DIAPH2: variants seen among roughly 807,000 people sequenced by gnomAD.
DIAPH2 encodes protein diaphanous homolog 2.
In DIAPH2, 35 loss-of-function variants were observed where a neutral mutation model predicts 92.7. The observed-to-expected ratio is 0.38, with a 90% CI of 0.29 to 0.50. The LOEUF (loss-of-function observed/expected upper bound fraction) is 0.50. Ranked by LOEUF, DIAPH2 falls within the 20% of genes least tolerant of loss-of-function variation. The pLI is 0.94. For missense variants in DIAPH2, 701 were observed against 819.5 expected (o/e 0.86, Z 1.77); for synonymous variants, 301 against 280.4 (o/e 1.07, Z -0.73).
intron 22 of DIAPH2, among the ~76,000 whole-genome samples, chrX:97,242,911 C>T (rs1455177249): frequency 1.8e-5 from 2 of 109,657 alleles, no homozygotes; most frequent in Admixed American, 9.9e-5. Flanking sequence ...CTCAGCCTCC[C>T]GAGTAGCTGG....
chrX:97,072,871 C>T, intron 17 of DIAPH2, 70 bp from the exon 18 acceptor site: 2 of 626,710 alleles, frequency 3.2e-6, no homozygotes, highest in East Asian at 7.2e-5. Context: ...GTTAATATGC[C>T]TTACTAATGT....
intron 23 of DIAPH2, among the ~76,000 whole-genome samples, chrX:97,319,272 A>G (rs1276877806): frequency 8.9e-6 from 1 of 112,651 alleles, no homozygotes; most frequent in African/African-American, 3.2e-5. Context: ...CCATGGCAAT[A>G]TAGAAGTTAT....
intron 23 of DIAPH2, among the ~76,000 whole-genome samples, chrX:97,274,516 AAAAG>A (rs1336115728): frequency 2.7e-5 from 3 of 110,133 alleles, no homozygotes; most frequent in South Asian, 7.9e-4. Context: ...TCAAAAAAAA[AAAAG>A]AAAAGAAACA....
chrX:96,823,369 AT>A (rs1196088193), intron 4 of DIAPH2, among the ~76,000 whole-genome samples: 3 of 111,379 alleles, frequency 2.7e-5, no homozygotes, highest in African/African-American at 9.7e-5. Flanking sequence ...TAATTGTATG[AT>A]AATTTAAATA....
chrX:97,205,067 A>G (rs2067785309), intron 22 of DIAPH2, among the ~76,000 whole-genome samples: 1 of 111,727 alleles, frequency 9.0e-6, no homozygotes, highest in South Asian at 3.7e-4. Context: ...AAAAAAAAGC[A>G]ATGGGGAAAT....
intron 22 of DIAPH2, among the ~76,000 whole-genome samples, chrX:97,230,809 C>T (rs1261527239): frequency 1.8e-5 from 2 of 112,294 alleles, no homozygotes; most frequent in South Asian, 3.7e-4. Context: ...GGCCTCCCAA[C>T]GTGCTGGGAT....
At chrX:96,720,318 C>T (rs1249841188) in intron 1 of DIAPH2, among the ~76,000 whole-genome samples, 1 of 111,316 alleles carries the variant, frequency 9.0e-6, no homozygotes, top group Admixed American at 9.6e-5. Context: ...ACCACAGGCT[C>T]CAGCTCAGGC....
At position 97,185,484 on chromosome X, in the gene DIAPH2, T is replaced by C. The variant is rs1240170885; in HGVS notation, c.2719+43690T>C. 2.6e-3 allele frequency among the ~76,000 whole-genome samples: 30 copies of C among 11,415 alleles called. 4 individuals are homozygous for C. The highest frequency in any genetic ancestry group is 0.1 in the Middle Eastern group (2 of 20). 9.9% of individuals were successfully genotyped at this position (11,415 alleles called of 115,157 possible). On this transcript the variant is annotated intron_variant, in intron 22 of 26. Coordinates refer to ENST00000324765, the MANE Select transcript of DIAPH2 (RefSeq NM_006729.5). ...ATATATATATATACACATATATATA[T>C]ATATATATATATATATATATATATA... is the stretch of plus-strand genomic sequence containing the variant.
At chrX:97,001,946 G>A (rs1308495034) in intron 17 of DIAPH2, among the ~76,000 whole-genome samples, 1 of 109,443 alleles carries the variant, frequency 9.1e-6, no homozygotes, top group African/African-American at 3.3e-5. Context: ...TTTTTTTCTT[G>A]AAAACAGAAT....
chrX:97,176,116 A>C (rs1245123697), intron 22 of DIAPH2, among the ~76,000 whole-genome samples: 1 of 112,131 alleles, frequency 8.9e-6, no homozygotes, highest in Non-Finnish European at 1.9e-5. Flanking sequence ...TTAGAGAATG[A>C]AAATAAAAGT....
chrX:96,787,871 TTTTTTTA>T (rs889937773), intron 4 of DIAPH2, among the ~76,000 whole-genome samples: 2 of 106,773 alleles, frequency 1.9e-5, no homozygotes, highest in African/African-American at 6.8e-5. Flanking sequence ...TTTTCTTTTT[TTTTTTTA>T]TTTTTTATTT....
intron 22 of DIAPH2, among the ~76,000 whole-genome samples, chrX:97,148,671 G>A (rs750160961): frequency 1.4e-4 from 15 of 110,793 alleles, no homozygotes; most frequent in Non-Finnish European, 2.3e-4. Context: ...TTCTTGGAAG[G>A]GAGGTAGAAG....
intron 26 of DIAPH2, among the ~76,000 whole-genome samples, chrX:97,486,932 T>A (rs2070693128): frequency 8.9e-6 from 1 of 112,009 alleles, no homozygotes; most frequent in Admixed American, 9.5e-5. Context: ...CTCCTCCTTC[T>A]CCCCAGACCC....
chrX:97,005,778 A>T (rs2066177205), intron 17 of DIAPH2, among the ~76,000 whole-genome samples: 1 of 111,121 alleles, frequency 9.0e-6, no homozygotes, highest in African/African-American at 3.3e-5. Flanking sequence ...TGACCTTGTG[A>T]TCCACCTACC....
At chrX:97,108,013 G>A (rs963985118) in intron 20 of DIAPH2, among the ~76,000 whole-genome samples, 4 of 109,658 alleles carry the variant, frequency 3.6e-5, no homozygotes, top group African/African-American at 6.7e-5. Context: ...TTCCTTTCTC[G>A]GTGGATTCGT....
intron 5 of DIAPH2, among the ~76,000 whole-genome samples, chrX:96,892,434 G>T (rs1405362235): frequency 1.8e-5 from 2 of 111,515 alleles, no homozygotes; most frequent in Non-Finnish European, 1.9e-5. Context: ...ATACGAAATG[G>T]TAAACTCATT....
chrX:96,989,048 G>A (rs1224990236), intron 17 of DIAPH2, among the ~76,000 whole-genome samples: 2 of 110,874 alleles, frequency 1.8e-5, no homozygotes, highest in Non-Finnish European at 3.8e-5. Flanking sequence ...CATTTCTTTT[G>A]GATCTTCTAC....
chrX:97,220,940 C>G (rs2067919725), intron 22 of DIAPH2, among the ~76,000 whole-genome samples: 1 of 111,359 alleles, frequency 9.0e-6, no homozygotes, highest in South Asian at 3.7e-4. Flanking sequence ...ATTAACAACC[C>G]TGATAATAAT....
intron 4 of DIAPH2, among the ~76,000 whole-genome samples, chrX:96,817,790 C>T (rs2064747338): frequency 9.2e-6 from 1 of 108,379 alleles, no homozygotes; most frequent in Non-Finnish European, 1.9e-5. Context: ...CCCTTGTGAC[C>T]TCATTACCTC....
Sources: gnomAD v4.1 joint callset for allele counts (sites outside exome capture counted in the v4.1 genomes callset) on GRCh38, gnomAD v4.1.1 for gene constraint, MANE v1.5 for transcripts, NCBI Gene and HGNC (gene_info 2026-07-23, HGNC 2026-07-21) for gene names.